Variants in SLC22A24 observed in about 807,000 individuals in gnomAD.
The protein encoded by SLC22A24 is solute carrier family 22 member 24.
In SLC22A24, 53 loss-of-function variants were observed where a neutral mutation model predicts 49.8. That is an observed-to-expected ratio of 1.06 (90% CI 0.85 to 1.34). SLC22A24 has a LOEUF of 1.34. SLC22A24 is among the 40% of genes most tolerant of loss of function. SLC22A24 has a pLI of 0.00. For synonymous variants in SLC22A24, 302 were observed against 256.4 expected, an observed-to-expected ratio of 1.18 and a Z score of -1.70; for missense variants, 786 against 675.9, an observed-to-expected ratio of 1.16 and a Z score of -1.81.
At position 63,087,024 on chromosome 11, in the gene SLC22A24, G is replaced by GCGCACACACACACACA. The variant is rs376936925; in HGVS notation, c.1071-3568_1071-3567insTGTGTGTGTGTGTGCG. Among the ~76,000 whole-genome samples the GCGCACACACACACACA allele has an allele frequency of 1.0e-3, 134 of 132,626 alleles. 1 individual carries two copies. The highest frequency in any genetic ancestry group is 3.5e-3 in the African/African-American group (123 of 34,728). 87.0% of individuals were successfully genotyped at this position (132,626 alleles called of 152,430 possible). ...AATTAAGCTTTTCTGCCTGGAGGGC[G>GCGCACACACACACACA]CACACACACACACACACACACACAC... On this transcript the variant is annotated intron_variant, in intron 6 of 9. Transcript: ENST00000612278.
intron 6 of SLC22A24, among the ~76,000 whole-genome samples, chr11:63,093,493 C>T (rs1445946971): frequency 2.0e-5 from 3 of 152,126 alleles, no homozygotes; most frequent in South Asian, 2.1e-4. Flanking sequence ...ACATATACAC[C>T]ATGGAATACT....
chr11:63,110,328 C>T (rs538654477), intron 4 of SLC22A24, among the ~76,000 whole-genome samples: 7 of 152,222 alleles, frequency 4.6e-5, no homozygotes, highest in East Asian at 1.9e-4. Context: ...TTTGGCAATG[C>T]GGGCTCTTTT....
chr11:63,139,003 T>A (rs542528855), intron 1 of SLC22A24, among the ~76,000 whole-genome samples: 1 of 152,186 alleles, frequency 6.6e-6, no homozygotes, highest in Non-Finnish European at 1.5e-5. Flanking sequence ...GCTGCTTGGG[T>A]AATAAGAGAT....
intron 2 of SLC22A24, among the ~76,000 whole-genome samples, chr11:63,132,979 C>A (rs1270495185): frequency 1.3e-5 from 2 of 152,202 alleles, no homozygotes; most frequent in Admixed American, 1.3e-4. Flanking sequence ...AACTTCCCAG[C>A]CACTTTGTTT....
At chr11:63,108,250 A>G (rs1490192824) in intron 4 of SLC22A24, among the ~76,000 whole-genome samples, 1 of 152,166 alleles carries the variant, frequency 6.6e-6, no homozygotes, top group African/African-American at 2.4e-5. Context: ...TGATTTGCAT[A>G]TGCCGAACCA....
intron 6 of SLC22A24, among the ~76,000 whole-genome samples, chr11:63,089,129 T>C (rs995868745): frequency 6.6e-6 from 1 of 152,054 alleles, no homozygotes; most frequent in Non-Finnish European, 1.5e-5. Context: ...ATTGTCAGAT[T>C]CTCCAAGATT....
At chr11:63,108,496 C>A (rs756686090) in intron 4 of SLC22A24, among the ~76,000 whole-genome samples, 1 of 152,014 alleles carries the variant, frequency 6.6e-6, no homozygotes, top group African/African-American at 2.4e-5. Context: ...ATAATAGTTT[C>A]GGAAGGAATG....
At chr11:63,120,466 A>C (rs929309593) in intron 2 of SLC22A24, among the ~76,000 whole-genome samples, 1 of 151,630 alleles carries the variant, frequency 6.6e-6, no homozygotes, top group Non-Finnish European at 1.5e-5. Flanking sequence ...AAAATAAATA[A>C]AAAAAAAGAA....
At chr11:63,117,670 T>C (rs2087221126) in intron 4 of SLC22A24, among the ~76,000 whole-genome samples, 2 of 152,300 alleles carry the variant, frequency 1.3e-5, no homozygotes, top group South Asian at 2.1e-4. Context: ...AGTAAATACA[T>C]TTTCTCTTCC....
chr11:63,097,289 A>G (rs1312353058), intron 5 of SLC22A24, among the ~76,000 whole-genome samples: 1 of 152,236 alleles, frequency 6.6e-6, no homozygotes, highest in Non-Finnish European at 1.5e-5. Flanking sequence ...CATTTCTCAA[A>G]AGAAGATATT....
chr11:63,143,513 C>G lies in SLC22A24; in HGVS notation c.267G>C (p.Gln89His). The G allele has an allele frequency of 6.3e-7, 1 of 1,599,348 alleles. No individual in the cohort carries two copies. The highest frequency in any genetic ancestry group is 8.5e-7 in the Non-Finnish European group (1 of 1,173,498). ...GCTGCCACTGGGGATGGATAAAGCGCTGACACTTCTGTGGCCTCAGGTTTG... is the reference window on the plus strand; with the variant it reads ...GCTGCCACTGGGGATGGATAAAGCGGTGACACTTCTGTGGCCTCAGGTTTG... Reference protein sequence around the residue: ...LDSNLRPQKCQRFIHPQWQLL... With the variant: ...LDSNLRPQKCHRFIHPQWQLL... The change falls in exon 1 of 10, where the codon CAG becomes CAC. Residue 89 changes from glutamine (Q) to histidine (H), a missense_variant. Transcript: ENST00000612278.
intron 6 of SLC22A24, among the ~76,000 whole-genome samples, chr11:63,086,101 T>C (rs1222746504): frequency 1.3e-5 from 2 of 152,206 alleles, no homozygotes; most frequent in Non-Finnish European, 2.9e-5. Context: ...TGTAAATTAG[T>C]TCAGCCATTC....
Position 63,119,369 on chromosome 11 carries a change from G to A in SLC22A24, c.507-34C>T, listed in dbSNP as rs1326241930. 11 of 1,480,106 alleles carry A rather than the reference G, an allele frequency of 7.4e-6. No homozygotes were observed. In the East Asian group the frequency reaches 2.8e-4, roughly 37 times the overall value. The allele number at this position is 1,480,106 out of a possible 1,614,324, so 91.7% of individuals were successfully genotyped here. On this transcript the variant is annotated intron_variant, in intron 2 of 9. Transcript: ENST00000612278. The stretch of plus-strand genomic sequence containing the variant: ...TATTAAACCAGATAACGTTACTTAG[G>A]AACAAAAATAACACGTGGAAAACTT...
chr11:63,142,020 G>C (rs1041234565), intron 1 of SLC22A24, among the ~76,000 whole-genome samples: 1 of 151,986 alleles, frequency 6.6e-6, no homozygotes, highest in Non-Finnish European at 1.5e-5. Context: ...CCAGACAAAT[G>C]CTTTCCAATC....
intron 2 of SLC22A24, among the ~76,000 whole-genome samples, chr11:63,128,101 G>A (rs1239129746): frequency 6.6e-6 from 1 of 151,620 alleles, no homozygotes; most frequent in African/African-American, 2.4e-5. Context: ...GATTATATAT[G>A]AATATTATTA....
chr11:63,104,365 A>G (rs1468607175), intron 4 of SLC22A24, 67 bp from the exon 5 acceptor site: 3 of 1,452,548 alleles, frequency 2.1e-6, no homozygotes, highest in Non-Finnish European at 2.7e-6. Flanking sequence ...TTTAACATGA[A>G]ATTCCTTTCC....
At chr11:63,085,432 C>T (rs2086981837) in intron 6 of SLC22A24, among the ~76,000 whole-genome samples, 1 of 151,846 alleles carries the variant, frequency 6.6e-6, no homozygotes, top group Non-Finnish European at 1.5e-5. Context: ...TCATGTATGC[C>T]TTAAATAATC....
chr11:63,142,602 G>A (rs2087422212), intron 1 of SLC22A24, among the ~76,000 whole-genome samples: 1 of 152,134 alleles, frequency 6.6e-6, no homozygotes, highest in African/African-American at 2.4e-5. Flanking sequence ...TCACACAGCT[G>A]GAGGCTACAA....
intron 4 of SLC22A24, among the ~76,000 whole-genome samples, chr11:63,108,255 G>A (rs903592598): frequency 3.9e-5 from 6 of 152,150 alleles, no homozygotes; most frequent in African/African-American, 9.7e-5. Flanking sequence ...TGCATATGCC[G>A]AACCAGCCTT....
Sources: allele counts gnomAD v4.1 joint callset (sites outside exome capture counted in the v4.1 genomes callset), GRCh38; gene constraint gnomAD v4.1.1; transcripts MANE v1.5; gene names NCBI Gene and HGNC (gene_info 2026-07-23, HGNC 2026-07-21).